Variants in ZFYVE9 observed in about 807,000 individuals in gnomAD.
The protein encoded by ZFYVE9 is zinc finger FYVE-type containing 9.
In ZFYVE9, 43 loss-of-function variants were observed where a neutral mutation model predicts 126.7. The ratio of observed to expected loss-of-function variants is 0.34; its 90% CI spans 0.27 to 0.44. ZFYVE9 has a LOEUF of 0.44. Ranked by LOEUF, ZFYVE9 falls within the 20% of genes least tolerant of loss-of-function variation. The pLI is 1.00. For synonymous variants in ZFYVE9, 521 were observed against 597.4 expected (o/e 0.87, Z 1.87); for missense variants, 1,476 against 1,697.0 (o/e 0.87, Z 2.29).
At chr1:52,244,071 A>C (rs1489947884) in intron 4 of ZFYVE9, among the ~76,000 whole-genome samples, 1 of 152,252 alleles carries the variant, frequency 6.6e-6, no homozygotes, top group East Asian at 1.9e-4. Context: ...GAAAGGGACC[A>C]TTGGACTTGG....
Position 52,190,057 on chromosome 1 carries a change from C to T in ZFYVE9, c.-142-26312C>T, listed in dbSNP as rs538246564. Reference sequence around the variant, plus strand: ...AAGTGAGTATATATAGACCTCATTTCGTAAGCCCAGTATAACACCCGTGAT... The same window carrying T: ...AAGTGAGTATATATAGACCTCATTTTGTAAGCCCAGTATAACACCCGTGAT... On this transcript the variant is annotated intron_variant, in intron 1 of 18. Coordinates refer to ENST00000287727, the MANE Select transcript of ZFYVE9 (RefSeq NM_004799.4). 5.0e-5 allele frequency: 8 copies of T among 159,892 alleles called. No homozygotes were observed. In the East Asian group the frequency reaches 5.7e-4, roughly 11 times the overall value. The allele number at this position is 159,892 out of a possible 1,614,324, so 9.9% of individuals were successfully genotyped here. A position where few individuals can be genotyped will look rare whatever the true frequency, so the allele number is the denominator to read the frequency against.
chr1:52,165,378 T>C (rs911091773), intron 1 of ZFYVE9, among the ~76,000 whole-genome samples: 1 of 152,110 alleles, frequency 6.6e-6, no homozygotes, highest in Non-Finnish European at 1.5e-5. Context: ...AGGGGCCTCA[T>C]TGAGATCTTT....
intron 1 of ZFYVE9, among the ~76,000 whole-genome samples, chr1:52,205,242 T>C (rs1644966847): frequency 6.6e-6 from 1 of 151,766 alleles, no homozygotes; most frequent in Non-Finnish European, 1.5e-5. Context: ...ACCTGGCCTA[T>C]TTTTGTATTT....
chr1:52,180,887 A>G (rs953197434), intron 1 of ZFYVE9, among the ~76,000 whole-genome samples: 1 of 150,806 alleles, frequency 6.6e-6, no homozygotes, highest in African/African-American at 2.4e-5. Context: ...AGGCAGGAGA[A>G]TCACTTGAAC....
chr1:52,159,118 C>A (rs1644430859), intron 1 of ZFYVE9, among the ~76,000 whole-genome samples: 1 of 152,134 alleles, frequency 6.6e-6, no homozygotes, highest in South Asian at 2.1e-4. Flanking sequence ...TGTTCCCCTT[C>A]CCAAATATCT....
chr1:52,225,285 A>T (rs895838187), intron 2 of ZFYVE9, among the ~76,000 whole-genome samples: 5 of 152,284 alleles, frequency 3.3e-5, no homozygotes, highest in Admixed American at 3.3e-4. Flanking sequence ...GGCCACCACA[A>T]CGAGGCAGTG....
Position 52,224,347 on chromosome 1 carries a change from G to A in ZFYVE9, c.-37+7873G>A, listed in dbSNP as rs566598512. ...GGGAAGGACTGAGTGTTCCACTTAGGGTGGAGGGGTAGGCAGGGGAAGGTG... is the reference window on the plus strand; with the variant it reads ...GGGAAGGACTGAGTGTTCCACTTAGAGTGGAGGGGTAGGCAGGGGAAGGTG... On this transcript the variant is annotated intron_variant, in intron 2 of 18. Coordinates refer to ENST00000287727, the MANE Select transcript of ZFYVE9 (RefSeq NM_004799.4). Among the ~76,000 whole-genome samples, 7 of 152,232 alleles carry A rather than the reference G, an allele frequency of 4.6e-5. No homozygotes were observed. The South Asian group carries it at 1.2e-3, about 27-fold the overall frequency.
intron 17 of ZFYVE9, among the ~76,000 whole-genome samples, chr1:52,344,221 A>G (rs1054654696): frequency 1.3e-5 from 2 of 152,146 alleles, no homozygotes; most frequent in African/African-American, 2.4e-5. Context: ...TCCCGCCTCT[A>G]TAGTGGCAGG....
At position 52,332,930 on chromosome 1, in the gene ZFYVE9, A is replaced by G. The variant is rs1646355575; in HGVS notation, c.3589+12A>G. ...TCAGCCCAGAAAAGGTGAGCATTTGAGCTGGTTGAGATTATGATAATGGAA... is the reference window on the plus strand; with the variant it reads ...TCAGCCCAGAAAAGGTGAGCATTTGGGCTGGTTGAGATTATGATAATGGAA... On this transcript the variant is annotated intron_variant, in intron 14 of 18. Transcript: ENST00000287727. 1 of 1,613,882 alleles carries G rather than the reference A, an allele frequency of 6.2e-7. No individual in the cohort carries two copies. The highest frequency in any genetic ancestry group is 1.7e-5 in the Admixed American group (1 of 59,974).
intron 1 of ZFYVE9, among the ~76,000 whole-genome samples, chr1:52,180,773 C>T (rs1000399042): frequency 5.3e-5 from 8 of 151,626 alleles, no homozygotes; most frequent in South Asian, 2.1e-4. Context: ...GTTGGGAGTT[C>T]GATACCAGCC....
At chr1:52,173,424 T>C (rs1483914468) in intron 1 of ZFYVE9, among the ~76,000 whole-genome samples, 1 of 152,258 alleles carries the variant, frequency 6.6e-6, no homozygotes, top group African/African-American at 2.4e-5. Context: ...TTGAGGATTT[T>C]TGCATCAATG....
At chr1:52,240,983 G>C (rs1462557245) in intron 4 of ZFYVE9, among the ~76,000 whole-genome samples, 1 of 152,148 alleles carries the variant, frequency 6.6e-6, no homozygotes, top group Non-Finnish European at 1.5e-5. Context: ...AGTAAGTCTA[G>C]ACGTCTAATG....
At chr1:52,153,894 C>A (rs1644378561) in intron 1 of ZFYVE9, among the ~76,000 whole-genome samples, 1 of 152,206 alleles carries the variant, frequency 6.6e-6, no homozygotes, top group African/African-American at 2.4e-5. Flanking sequence ...CCCATGTATT[C>A]TTCTTACTGG....
chr1:52,243,564 A>G (rs974040560), intron 4 of ZFYVE9, among the ~76,000 whole-genome samples: 1 of 152,138 alleles, frequency 6.6e-6, no homozygotes, highest in African/African-American at 2.4e-5. Flanking sequence ...ATTGAGGTTA[A>G]GAAGGCACCT....
chr1:52,292,293 A>C (rs1004094192), intron 10 of ZFYVE9, among the ~76,000 whole-genome samples: 3 of 151,406 alleles, frequency 2.0e-5, no homozygotes, highest in East Asian at 1.9e-4. Flanking sequence ...AAAAAAAAAA[A>C]AAAAACAAAA....
At chr1:52,318,701 A>C (rs12096334) in intron 13 of ZFYVE9, among the ~76,000 whole-genome samples, 1,937 of 152,252 alleles carry the variant, frequency 0.013, 34 homozygotes, top group African/African-American at 0.044. Context: ...CAAAATGGCC[A>C]CTAGATCTAC....
chr1:52,336,174 G>A (rs1231329467), intron 15 of ZFYVE9, among the ~76,000 whole-genome samples: 1 of 151,752 alleles, frequency 6.6e-6, no homozygotes, highest in Non-Finnish European at 1.5e-5. Context: ...GGATTCCAGT[G>A]TGTTGATTGA....
intron 1 of ZFYVE9, among the ~76,000 whole-genome samples, chr1:52,152,525 G>C (rs1486828548): frequency 6.6e-6 from 1 of 152,078 alleles, no homozygotes; most frequent in African/African-American, 2.4e-5. Flanking sequence ...CAAAAATCTA[G>C]CTTTTTTTCT....
chr1:52,302,310 CTCACATCATAT>C (rs1237860801), intron 12 of ZFYVE9, among the ~76,000 whole-genome samples: 1 of 152,208 alleles, frequency 6.6e-6, no homozygotes, highest in Non-Finnish European at 1.5e-5. Context: ...AACCCTCCAT[CTCACATCATAT>C]TCTACATTTC....
Sources: gnomAD v4.1 joint callset for allele counts (sites outside exome capture counted in the v4.1 genomes callset) on GRCh38, gnomAD v4.1.1 for gene constraint, MANE v1.5 for transcripts, NCBI Gene and HGNC (gene_info 2026-07-23, HGNC 2026-07-21) for gene names.